STXBP4: variants seen among roughly 807,000 people sequenced by gnomAD.
STXBP4 encodes the protein syntaxin binding protein 4, also known as syntaxin-binding protein 4.
Under a neutral mutation model 76.1 loss-of-function variants are expected in STXBP4, and 55 were observed. The ratio of observed to expected loss-of-function variants is 0.72; its 90% CI spans 0.58 to 0.91. The LOEUF is 0.91. STXBP4 is among the 40% of genes least tolerant of loss of function. The pLI, the probability that STXBP4 is intolerant of heterozygous loss-of-function variation, is 0.00. For synonymous variants in STXBP4, 201 were observed against 220.2 expected (o/e 0.91, Z 0.77); for missense variants, 618 against 636.9 (o/e 0.97, Z 0.32).
chr17:55,192,358 A>G, the STXBP4 span, among the ~76,000 whole-genome samples: 2,641 of 152,314 alleles, frequency 0.017, 75 homozygotes, highest in African/African-American at 0.061. Flanking sequence ...AATGTATGGC[A>G]TGACAGAAGT....
intron 1 of STXBP4, among the ~76,000 whole-genome samples, chr17:54,974,483 G>A (rs2077440941): frequency 6.6e-6 from 1 of 152,176 alleles, no homozygotes; most frequent in African/African-American, 2.4e-5. Flanking sequence ...ATGATTGACA[G>A]ATAATGTGAA....
intron 8 of STXBP4, among the ~76,000 whole-genome samples, chr17:55,030,430 T>C (rs1399701217): frequency 6.6e-6 from 1 of 152,202 alleles, no homozygotes; most frequent in Non-Finnish European, 1.5e-5. Flanking sequence ...CTTCCCCTTG[T>C]ATCTCATTGG....
intron 6 of STXBP4, chr17:55,000,147 G>C (rs1417593357): frequency 2.3e-6 from 2 of 888,178 alleles, no homozygotes; most frequent in Non-Finnish European, 2.7e-6. Context: ...GGTTTCAGTT[G>C]GTTTAGTTAT....
At chr17:55,038,348 A>T (rs1216075112) in intron 10 of STXBP4, among the ~76,000 whole-genome samples, 4 of 152,064 alleles carry the variant, frequency 2.6e-5, no homozygotes, top group African/African-American at 9.7e-5. Flanking sequence ...GACTTATAAC[A>T]ACATAGATTA....
the STXBP4 span, among the ~76,000 whole-genome samples, chr17:55,212,110 G>A: frequency 2.6e-5 from 4 of 151,768 alleles, no homozygotes; most frequent in Admixed American, 6.6e-5. Context: ...ATGAGCCACC[G>A]CGCCCTGCCG....
intron 8 of STXBP4, among the ~76,000 whole-genome samples, chr17:55,028,467 A>G (rs1043209993): frequency 1.3e-5 from 2 of 152,202 alleles, no homozygotes; most frequent in Non-Finnish European, 2.9e-5. Flanking sequence ...TAGGTACTAT[A>G]TTCATAGAAA....
chr17:55,124,903 G>A (rs2079891394), intron 16 of STXBP4, among the ~76,000 whole-genome samples: 1 of 152,204 alleles, frequency 6.6e-6, no homozygotes, highest in Admixed American at 6.5e-5. Context: ...ACACAGAGGA[G>A]GGGTGGGGTG....
chr17:55,184,953 C>G, the STXBP4 span, among the ~76,000 whole-genome samples: 2 of 152,120 alleles, frequency 1.3e-5, no homozygotes, highest in Non-Finnish European at 2.9e-5. Flanking sequence ...CTCACTGCAG[C>G]CTTGACCTCC....
intron 12 of STXBP4, among the ~76,000 whole-genome samples, chr17:55,053,666 G>A (rs892648542): frequency 1.3e-5 from 2 of 151,788 alleles, no homozygotes; most frequent in African/African-American, 4.8e-5. Flanking sequence ...GCCAATTTTC[G>A]GACCCTCATT....
At chr17:55,159,315 AC>A (rs2080314724) in intron 17 of STXBP4, among the ~76,000 whole-genome samples, 1 of 152,242 alleles carries the variant, frequency 6.6e-6, no homozygotes, top group Non-Finnish European at 1.5e-5. Flanking sequence ...AGCTAAAAAA[AC>A]AAAGTATTTC....
chr17:55,048,604 T>C (rs1312654520), intron 12 of STXBP4, among the ~76,000 whole-genome samples: 2 of 148,644 alleles, frequency 1.3e-5, no homozygotes, highest in African/African-American at 4.9e-5. Flanking sequence ...AAAATAGTAA[T>C]AATAGATATT....
At chr17:55,185,449 A>G in the STXBP4 span, among the ~76,000 whole-genome samples, 4 of 151,386 alleles carry the variant, frequency 2.6e-5, no homozygotes, top group Non-Finnish European at 5.9e-5. Context: ...GGGTGTGTGT[A>G]CGTGTGTGTG....
intron 16 of STXBP4, among the ~76,000 whole-genome samples, chr17:55,132,980 A>G (rs2079989316): frequency 6.6e-6 from 1 of 152,164 alleles, no homozygotes; most frequent in Non-Finnish European, 1.5e-5. Flanking sequence ...AGCACATTGA[A>G]CATAAATAAT....
the STXBP4 span, among the ~76,000 whole-genome samples, chr17:55,201,800 G>C: frequency 6.6e-6 from 1 of 152,194 alleles, no homozygotes; most frequent in Non-Finnish European, 1.5e-5. Context: ...AGAGAACTAT[G>C]CTCCACGAGC....
chr17:54,974,629 T>C lies in STXBP4; in HGVS notation c.-157+5814T>C, dbSNP rs113326227. Among the ~76,000 whole-genome samples the C allele has an allele frequency of 4.4e-4, 67 of 152,364 alleles. 2 individuals carry two copies. The highest frequency in any genetic ancestry group is 1.0e-3 in the African/African-American group (42 of 41,586). ...TACTCTTAAAAGGGCCCCTCACTTA[T>C]GATGTAGGACATGCAAGCCCCCAAA... is the stretch of plus-strand genomic sequence containing the variant. On this transcript the variant is annotated intron_variant, in intron 1 of 17. Transcript: ENST00000376352.
chr17:55,112,133 T>C (rs1380580751), intron 16 of STXBP4, among the ~76,000 whole-genome samples: 1 of 152,076 alleles, frequency 6.6e-6, no homozygotes. Context: ...TTGCCCAGGC[T>C]GGTCTCAAAC....
chr17:55,197,203 T>C, the STXBP4 span, among the ~76,000 whole-genome samples: 1 of 152,224 alleles, frequency 6.6e-6, no homozygotes, highest in Admixed American at 6.5e-5. Context: ...GTGATTCTAA[T>C]GTGCAGACAA....
intron 16 of STXBP4, among the ~76,000 whole-genome samples, chr17:55,093,640 T>C (rs73992605): frequency 0.018 from 2,749 of 152,350 alleles, 84 homozygotes; most frequent in African/African-American, 0.061. Context: ...TAAGAAAATA[T>C]ATCAAATTTA....
At chr17:55,123,412 A>G (rs1167493933) in intron 16 of STXBP4, among the ~76,000 whole-genome samples, 1 of 152,216 alleles carries the variant, frequency 6.6e-6, no homozygotes, top group Non-Finnish European at 1.5e-5. Flanking sequence ...AGAAATTACT[A>G]TCACTGGTCA....
Sources: gnomAD v4.1 joint callset for allele counts (sites outside exome capture counted in the v4.1 genomes callset) on GRCh38, gnomAD v4.1.1 for gene constraint, MANE v1.5 for transcripts, NCBI Gene and HGNC (gene_info 2026-07-23, HGNC 2026-07-21) for gene names.